PCDH15: variants seen among roughly 807,000 people sequenced by gnomAD.
PCDH15 encodes protocadherin related 15, also known as protocadherin-15.
PCDH15 carries 129 observed loss-of-function variants against 178.5 expected under a neutral mutation model. The ratio of observed to expected loss-of-function variants is 0.72; its 90% confidence interval spans 0.63 to 0.84. PCDH15 has a LOEUF of 0.84. Ranked by LOEUF, PCDH15 falls within the 40% of genes least tolerant of loss-of-function variation. The probability of loss-of-function intolerance (pLI) is 0.00; values close to 1 mark genes in which losing one functional copy is unlikely to be tolerated. For missense variants in PCDH15, 2,230 were observed against 2,099.9 expected, an observed-to-expected ratio of 1.06 and a Z score of -1.21; for synonymous variants, 800 against 732.0, an observed-to-expected ratio of 1.09 and a Z score of -1.50.
chr10:55,623,134 T>C (rs545705807), intron 2 of PCDH15, among the ~76,000 whole-genome samples: 108 of 152,272 alleles, frequency 7.1e-4, no homozygotes, highest in African/African-American at 2.3e-3. Flanking sequence ...AACGTTAATG[T>C]CCTATTCTCA....
chr10:55,591,353 T>G (rs768672843), intron 2 of PCDH15, among the ~76,000 whole-genome samples: 1 of 152,054 alleles, frequency 6.6e-6, no homozygotes, highest in Non-Finnish European at 1.5e-5. Context: ...GAGGCTTGCT[T>G]GAGCCCAGGA....
chr10:54,949,831 G>T (rs1670838), intron 2 of PCDH15, among the ~76,000 whole-genome samples: 101,788 of 151,720 alleles, frequency 0.67, 34,607 homozygotes, highest in Middle Eastern at 0.8. Context: ...TAAAGCATAG[G>T]AAAAGTCCCC....
chr10:54,253,335 TG>T (rs2056650314), intron 8 of PCDH15, among the ~76,000 whole-genome samples: 1 of 152,026 alleles, frequency 6.6e-6, no homozygotes, highest in Admixed American at 6.6e-5. Flanking sequence ...ATGAACACAG[TG>T]GTTTTTATTG....
At chr10:55,207,063 C>T (rs953339701) in intron 1 of PCDH15, among the ~76,000 whole-genome samples, 14 of 151,918 alleles carry the variant, frequency 9.2e-5, no homozygotes, top group African/African-American at 2.9e-4. Context: ...CCCTTCTAAC[C>T]CAAGAATCAA....
At chr10:55,035,841 A>G (rs1417413954) in intron 2 of PCDH15, among the ~76,000 whole-genome samples, 2 of 147,054 alleles carry the variant, frequency 1.4e-5, no homozygotes, top group African/African-American at 5.5e-5. Context: ...CATAGGGGGT[A>G]GCCAGAGTGT....
At chr10:54,686,030 C>G (rs1436565745) in intron 1 of PCDH15, among the ~76,000 whole-genome samples, 2 of 144,112 alleles carry the variant, frequency 1.4e-5, no homozygotes, top group African/African-American at 5.1e-5. Flanking sequence ...TCCAAGGGAG[C>G]AAGACAGCCA....
At chr10:53,988,797 C>A (rs2091278636) in intron 21 of PCDH15, among the ~76,000 whole-genome samples, 1 of 152,068 alleles carries the variant, frequency 6.6e-6, no homozygotes, top group Non-Finnish European at 1.5e-5. Context: ...TATGTTGGGA[C>A]CCAGGTCCTG....
chr10:55,098,895 T>TGAGAGAGAGA lies in PCDH15; in HGVS notation c.-80+67671_-80+67680dup, dbSNP rs10535301. Among the ~76,000 whole-genome samples, 728 of 120,226 alleles carry TGAGAGAGAGA rather than the reference T, an allele frequency of 6.1e-3. 26 individuals carry two copies. The highest frequency in any genetic ancestry group is 0.02 in the African/African-American group (581 of 29,280). 78.9% of individuals were successfully genotyped at this position (120,226 alleles called of 152,430 possible). A position where few individuals can be genotyped will look rare whatever the true frequency, so the allele number is the denominator to read the frequency against. On this transcript the variant is annotated intron_variant, in intron 2 of 5. Coordinates refer to the PCDH15 transcript ENST00000458638. ...ATGTGTTCTTTCATTAAAACTTCAA[T>TGAGAGAGAGA]GAGAGAGAGAGAGAGAGAGAGAGAG...
At chr10:55,592,091 T>A (rs1213037312) in intron 2 of PCDH15, among the ~76,000 whole-genome samples, 1 of 152,136 alleles carries the variant, frequency 6.6e-6, no homozygotes, top group Non-Finnish European at 1.5e-5. Flanking sequence ...CTTGTCTAGA[T>A]GCAGTCAGTC....
At chr10:54,345,819 A>AG (rs1187506670) in intron 6 of PCDH15, among the ~76,000 whole-genome samples, 2 of 144,038 alleles carry the variant, frequency 1.4e-5, no homozygotes, top group Non-Finnish European at 3.0e-5. Context: ...AAAAAAAAAA[A>AG]AAAAAAAAAA....
At chr10:54,673,320 G>A (rs539977459) in intron 1 of PCDH15, among the ~76,000 whole-genome samples, 2 of 151,984 alleles carry the variant, frequency 1.3e-5, no homozygotes, top group Admixed American at 6.6e-5. Flanking sequence ...GAGAATATGC[G>A]GTGCTTGGTT....
At chr10:55,183,023 T>C (rs1435558282) in intron 1 of PCDH15, among the ~76,000 whole-genome samples, 1 of 151,964 alleles carries the variant, frequency 6.6e-6, no homozygotes, top group Admixed American at 6.6e-5. Flanking sequence ...TCCTTCCTTA[T>C]GGCTTCACAT....
At chr10:55,194,320 A>G (rs552521105) in intron 1 of PCDH15, among the ~76,000 whole-genome samples, 1 of 152,202 alleles carries the variant, frequency 6.6e-6, no homozygotes, top group South Asian at 2.1e-4. Context: ...CAGGTATGTT[A>G]AAAACTATTG....
chr10:54,598,222 A>T (rs150551802), intron 2 of PCDH15, among the ~76,000 whole-genome samples: 81 of 152,218 alleles, frequency 5.3e-4, no homozygotes, highest in African/African-American at 1.9e-3. Context: ...TTTGATGCAA[A>T]TATCCTTAAC....
At chr10:54,014,407 C>T (rs1354758502) in intron 20 of PCDH15, among the ~76,000 whole-genome samples, 8 of 152,064 alleles carry the variant, frequency 5.3e-5, no homozygotes, top group African/African-American at 1.9e-4. Flanking sequence ...CCCTCCCTCA[C>T]TCTATGAGGC....
rs185152251 is a variant in PCDH15, at chr10:54,988,953, T to C, written c.-79-91453A>G. 9.2e-5 allele frequency among the ~76,000 whole-genome samples: 14 copies of C among 152,234 alleles called. No homozygotes were observed. The East Asian group carries it at 2.7e-3, about 29-fold the overall frequency. ...ACACCTGAGACCTAGGCAGAAAAAGTGGTTTCTTGGGCCGGGACCAGGATC... is the reference window on the plus strand; with the variant it reads ...ACACCTGAGACCTAGGCAGAAAAAGCGGTTTCTTGGGCCGGGACCAGGATC... On this transcript the variant is annotated intron_variant, in intron 2 of 5. Transcript: ENST00000458638.
At chr10:54,556,753 T>A (rs1590090463) in intron 2 of PCDH15, among the ~76,000 whole-genome samples, 1 of 151,618 alleles carries the variant, frequency 6.6e-6, no homozygotes, top group African/African-American at 2.4e-5. Context: ...ATGCAATGGG[T>A]TCCCAATATT....
intron 2 of PCDH15, among the ~76,000 whole-genome samples, chr10:55,394,114 T>A (rs1240608147): frequency 6.6e-6 from 1 of 152,080 alleles, no homozygotes; most frequent in Non-Finnish European, 1.5e-5. Flanking sequence ...AGAGACTATG[T>A]CTTCCAGGTT....
intron 2 of PCDH15, among the ~76,000 whole-genome samples, chr10:55,426,331 G>A (rs550732799): frequency 2.6e-5 from 4 of 152,134 alleles, no homozygotes; most frequent in East Asian, 1.9e-4. Context: ...GTACACCAGC[G>A]TTTGAGCCAT....
Sources: gnomAD v4.1 joint callset for allele counts (sites outside exome capture counted in the v4.1 genomes callset) on GRCh38, gnomAD v4.1.1 for gene constraint, MANE v1.5 for transcripts, NCBI Gene and HGNC (gene_info 2026-07-23, HGNC 2026-07-21) for gene names.